The following SLIT2 variants were observed in gnomAD, a reference collection of about 807,000 sequenced individuals.
SLIT2 encodes the protein slit homolog 2 protein.
In SLIT2, 41 loss-of-function variants were observed where a neutral mutation model predicts 185.7. The observed-to-expected ratio is 0.22, with a 90% confidence interval of 0.17 to 0.29. The LOEUF (loss-of-function observed/expected upper bound fraction) is 0.29, where lower values mean the gene tolerates loss of function less well. Ranked by LOEUF, SLIT2 falls within the 10% of genes least tolerant of loss-of-function variation. The pLI is 1.00. For synonymous variants in SLIT2, 693 were observed against 680.2 expected, an observed-to-expected ratio of 1.02 and a Z score of -0.29; for missense variants, 1,571 against 1,909.0, an observed-to-expected ratio of 0.82 and a Z score of 3.30.
At chr4:20,585,861 A>G (rs1206434413) in intron 29 of SLIT2, among the ~76,000 whole-genome samples, 3 of 152,182 alleles carry the variant, frequency 2.0e-5, no homozygotes, top group Non-Finnish European at 2.9e-5. Flanking sequence ...AGCTCTGACT[A>G]CACTTAAAAT....
At chr4:20,275,477 T>G (rs1400968595) in intron 4 of SLIT2, among the ~76,000 whole-genome samples, 1 of 152,188 alleles carries the variant, frequency 6.6e-6, no homozygotes, top group African/African-American at 2.4e-5. Context: ...CATCCTTTCA[T>G]TGCAAGCAAG....
chr4:20,525,255 G>A (rs374507055), intron 15 of SLIT2, 83 bp downstream of exon 15: 14 of 986,818 alleles, frequency 1.4e-5, no homozygotes, highest in African/African-American at 1.3e-4. Context: ...TGATATGCAT[G>A]CTTCTGAAAG....
intron 4 of SLIT2, among the ~76,000 whole-genome samples, chr4:20,437,654 T>A (rs952225451): frequency 6.6e-6 from 1 of 151,798 alleles, no homozygotes; most frequent in African/African-American, 2.4e-5. Context: ...GGCTCATGCC[T>A]GTAATCCCAG....
intron 5 of SLIT2, among the ~76,000 whole-genome samples, chr4:20,478,679 G>C (rs1330123831): frequency 6.6e-6 from 1 of 152,194 alleles, no homozygotes; most frequent in Non-Finnish European, 1.5e-5. Context: ...AGGCAAATTT[G>C]ATAGCATTAA....
At chr4:20,345,814 G>A (rs1468526512) in intron 4 of SLIT2, among the ~76,000 whole-genome samples, 5 of 151,714 alleles carry the variant, frequency 3.3e-5, no homozygotes, top group East Asian at 2.0e-4. Context: ...GATTACAGGC[G>A]TGAGCACCCA....
Position 20,519,646 on chromosome 4 carries a change from C to T in SLIT2, c.1130+193C>T, listed in dbSNP as rs191430640. Among the ~76,000 whole-genome samples the T allele has an allele frequency of 2.6e-5, 4 of 151,862 alleles. No individual in the cohort carries two copies. The East Asian group carries it at 5.8e-4, about 22-fold the overall frequency. ...AAGACACAACTTTTTGGAATAGTCC[C>T]CAAACCAATTTTATCTACACTATCA... On this transcript the variant is annotated intron_variant, in intron 12 of 36. Coordinates refer to ENST00000504154, the MANE Select transcript of SLIT2 (RefSeq NM_004787.4).
At chr4:20,338,520 G>A (rs1720695639) in intron 4 of SLIT2, among the ~76,000 whole-genome samples, 1 of 152,148 alleles carries the variant, frequency 6.6e-6, no homozygotes, top group South Asian at 2.1e-4. Flanking sequence ...CTCTGGTGGA[G>A]TCTAAAGGTA....
intron 4 of SLIT2, among the ~76,000 whole-genome samples, chr4:20,287,628 A>G (rs1234131753): frequency 6.6e-6 from 1 of 152,158 alleles, no homozygotes; most frequent in African/African-American, 2.4e-5. Context: ...TGGAGGGTTT[A>G]ATCTGAGCCT....
At chr4:20,607,828 A>T (rs1728905872) in intron 33 of SLIT2, among the ~76,000 whole-genome samples, 1 of 152,152 alleles carries the variant, frequency 6.6e-6, no homozygotes, top group Admixed American at 6.5e-5. Context: ...GTTGATGTTG[A>T]TAGGACATCC....
At chr4:20,294,647 A>G (rs1401211701) in intron 4 of SLIT2, among the ~76,000 whole-genome samples, 1 of 152,212 alleles carries the variant, frequency 6.6e-6, no homozygotes, top group Non-Finnish European at 1.5e-5. Flanking sequence ...ACGAGAAGTT[A>G]TATATGGCCT....
At chr4:20,535,380 C>G (rs1722180170) in intron 18 of SLIT2, among the ~76,000 whole-genome samples, 1 of 151,790 alleles carries the variant, frequency 6.6e-6, no homozygotes, top group African/African-American at 2.4e-5. Flanking sequence ...TGCATCTAAC[C>G]TTTTCCAGAG....
At chr4:20,267,682 A>T (rs1170711874) in intron 3 of SLIT2, among the ~76,000 whole-genome samples, 1 of 151,902 alleles carries the variant, frequency 6.6e-6, no homozygotes, top group East Asian at 1.9e-4. Context: ...GTTACAATCA[A>T]GGGGCCCATT....
rs374661023 is a variant in SLIT2 at position 20,609,994 on chromosome 4, A to ATT, written c.3693-11_3693-10dup. On this transcript the variant is annotated intron_variant, in intron 33 of 36. Coordinates refer to ENST00000504154, the MANE Select transcript of SLIT2 (RefSeq NM_004787.4). ...TGAAAAGAAAATGGAAGAATCAGCC[A>ATT]TTTTTTTTTCCGTTGTAGTGTGGAG... is the stretch of plus-strand genomic sequence containing the variant. The ATT allele has an allele frequency of 3.9e-6, 6 of 1,545,742 alleles. No individual in the cohort carries two copies. In the African/African-American group the frequency reaches 5.5e-5, roughly 14 times the overall value.
intron 4 of SLIT2, among the ~76,000 whole-genome samples, chr4:20,295,868 A>G (rs1436788304): frequency 1.3e-5 from 2 of 152,244 alleles, no homozygotes; most frequent in Non-Finnish European, 2.9e-5. Flanking sequence ...ATGGAAGGAC[A>G]GATATTATTA....
At chr4:20,442,103 A>G (rs1729797403) in intron 4 of SLIT2, among the ~76,000 whole-genome samples, 1 of 152,128 alleles carries the variant, frequency 6.6e-6, no homozygotes, top group Non-Finnish European at 1.5e-5. Context: ...CTGGGTTCAA[A>G]TGAGATCTTG....
At chr4:20,404,864 G>T (rs904899015) in intron 4 of SLIT2, among the ~76,000 whole-genome samples, 1 of 151,924 alleles carries the variant, frequency 6.6e-6, no homozygotes, top group African/African-American at 2.4e-5. Context: ...TCACAAGATC[G>T]TATGAGTCCA....
chr4:20,514,018 G>C lies in SLIT2; in HGVS notation c.1058+2881G>C, dbSNP rs192053475. ...GAGACACTATAATTAGGGTGGGAGA[G>C]GAAAGCCAGTGAAAGCTAGATTTGC... On this transcript the variant is annotated intron_variant, in intron 11 of 36. Coordinates refer to ENST00000504154, the MANE Select transcript of SLIT2 (RefSeq NM_004787.4). Among the ~76,000 whole-genome samples the C allele has an allele frequency of 3.8e-3, 586 of 152,252 alleles. 7 individuals carry two copies. The highest frequency in any genetic ancestry group is 3.6e-3 in the Non-Finnish European group (243 of 68,028).
intron 4 of SLIT2, among the ~76,000 whole-genome samples, chr4:20,300,291 GT>G (rs1716915509): frequency 6.6e-6 from 1 of 152,008 alleles, no homozygotes; most frequent in Admixed American, 6.6e-5. Context: ...TTGGTTCTGT[GT>G]TTTGTTCTCA....
Position 20,266,455 on chromosome 4 carries a change from G to A in SLIT2, c.324-2355G>A, listed in dbSNP as rs1024836440. On this transcript the variant is annotated intron_variant, in intron 3 of 36. Coordinates refer to ENST00000504154, the MANE Select transcript of SLIT2 (RefSeq NM_004787.4). Reference sequence around the variant, plus strand: ...AGCCAGAGAATGGCATCAAACCCAAGGCAGGTGCCTCAGGGAGGATGCCAG... The same window carrying A: ...AGCCAGAGAATGGCATCAAACCCAAAGCAGGTGCCTCAGGGAGGATGCCAG... Among the ~76,000 whole-genome samples, 4 of 151,906 alleles carry A rather than the reference G, an allele frequency of 2.6e-5. No homozygotes were observed. The East Asian group carries it at 7.8e-4, about 29-fold the overall frequency.
Sources: gnomAD v4.1 joint callset for allele counts (sites outside exome capture counted in the v4.1 genomes callset) on GRCh38, gnomAD v4.1.1 for gene constraint, MANE v1.5 for transcripts, NCBI Gene and HGNC (gene_info 2026-07-23, HGNC 2026-07-21) for gene names.